PARVB: variants seen among roughly 807,000 people sequenced by gnomAD.
PARVB encodes the protein beta-parvin.
PARVB carries 46 observed loss-of-function variants against 47.0 expected under a neutral mutation model. That is an observed-to-expected ratio of 0.98 (90% CI 0.77 to 1.25). The LOEUF (loss-of-function observed/expected upper bound fraction) is 1.25. PARVB is among the 50% of genes most tolerant of loss of function. The pLI is 0.00. For missense variants in PARVB, 473 were observed against 471.6 expected (o/e 1.00, Z -0.03); for synonymous variants, 196 against 196.3 (o/e 1.00, Z 0.01).
chr22:44,121,219 T>C (rs1264380531), intron 4 of PARVB, among the ~76,000 whole-genome samples: 1 of 152,144 alleles, frequency 6.6e-6, no homozygotes, highest in Non-Finnish European at 1.5e-5. Context: ...TGCCCAGGCC[T>C]GTTTTGTACT....
At chr22:44,127,115 T>A (rs767122990) in intron 4 of PARVB, among the ~76,000 whole-genome samples, 2 of 152,242 alleles carry the variant, frequency 1.3e-5, no homozygotes, top group Non-Finnish European at 2.9e-5. Context: ...AAGTATAACA[T>A]GAGGCTTCCT....
intron 7 of PARVB, 101 bp from the exon 8 acceptor site, chr22:44,140,023 A>ATCTTTCT: frequency 1.4e-5 from 2 of 142,002 alleles, no homozygotes; most frequent in Non-Finnish European, 2.2e-5. Context: ...GCGAGGGCCC[A>ATCTTTCT]GCTTTCTGGC....
At chr22:44,163,283 A>G (rs1047330922) in intron 11 of PARVB, among the ~76,000 whole-genome samples, 2 of 152,184 alleles carry the variant, frequency 1.3e-5, no homozygotes, top group African/African-American at 4.8e-5. Context: ...TAGCCTGACC[A>G]ACATGGCAAA....
At chr22:44,070,924 A>T (rs901000454) in intron 1 of PARVB, among the ~76,000 whole-genome samples, 1 of 152,302 alleles carries the variant, frequency 6.6e-6, no homozygotes, top group Admixed American at 6.5e-5. Flanking sequence ...TGCCAGGCTT[A>T]TTCGAAGTCA....
chr22:44,166,704 T>G (rs2054175753), intron 12 of PARVB, among the ~76,000 whole-genome samples: 1 of 152,182 alleles, frequency 6.6e-6, no homozygotes, highest in East Asian at 1.9e-4. Context: ...CAGTGCTCAT[T>G]AGCACCTTCG....
At chr22:44,061,113 C>CCA (rs1188806191) in intron 1 of PARVB, among the ~76,000 whole-genome samples, 6 of 152,102 alleles carry the variant, frequency 3.9e-5, no homozygotes, top group Non-Finnish European at 8.8e-5. Flanking sequence ...GTACCCCTCG[C>CCA]CACGCGTGGG....
intron 1 of PARVB, among the ~76,000 whole-genome samples, chr22:44,083,412 C>T (rs185421691): frequency 1.8e-4 from 27 of 152,240 alleles, no homozygotes; most frequent in Admixed American, 3.3e-4. Context: ...GCACTCCTTG[C>T]GGGGTCGGGG....
intron 3 of PARVB, chr22:44,114,347 A>C (rs1464185540): frequency 2.1e-5 from 3 of 141,834 alleles, no homozygotes; most frequent in Non-Finnish European, 4.5e-5. Flanking sequence ...CCTTGCACCA[A>C]CATGGACACA....
In PARVB at chr22:44,024,376, C is replaced by G; in HGVS notation, c.37C>G (p.Arg13Gly). Residue 13 changes from arginine (R) to glycine (G), a missense_variant, in exon 1 of 13, where the codon CGC becomes GGC. Coordinates refer to ENST00000338758, the MANE Select transcript of PARVB (RefSeq NM_013327.5). ...GCCGCGCTCGCCCACCCCGCGGCCC[C>G]GCAGGATGAAGAAGGACGAGTCGTT... Reference protein sequence around the residue: ...SAPRSPTPRPRRMKKDESFLG... With the variant: ...SAPRSPTPRPGRMKKDESFLG... 8.2e-7 allele frequency: 1 copy of G among 1,222,250 alleles called. No homozygotes were observed. Among genetic ancestry groups the G allele is most frequent in the Non-Finnish European group, 1.0e-6 (1 of 967,644 alleles). 75.7% of individuals were successfully genotyped at this position (1,222,250 alleles called of 1,614,324 possible).
chr22:44,048,675 C>A (rs1345465039), intron 1 of PARVB, among the ~76,000 whole-genome samples: 1 of 152,232 alleles, frequency 6.6e-6, no homozygotes, highest in East Asian at 1.9e-4. Context: ...GATTCTCCTG[C>A]CTCAGCCTCC....
At chr22:44,048,343 G>T (rs1375192587) in intron 1 of PARVB, among the ~76,000 whole-genome samples, 1 of 152,024 alleles carries the variant, frequency 6.6e-6, no homozygotes, top group African/African-American at 2.4e-5. Context: ...CATATCTTTT[G>T]GGGGCACATG....
chr22:44,071,665 T>A (rs2146981060), intron 1 of PARVB, among the ~76,000 whole-genome samples: 1 of 152,298 alleles, frequency 6.6e-6, no homozygotes, highest in Non-Finnish European at 1.5e-5. Flanking sequence ...CCTTCCAAAC[T>A]TCGTGTCCTC....
chr22:44,124,595 G>A (rs115426285), intron 4 of PARVB, among the ~76,000 whole-genome samples: 1,901 of 146,758 alleles, frequency 0.013, 43 homozygotes, highest in African/African-American at 0.048. Context: ...CCCATCCTGT[G>A]GGAGGGTCTC....
intron 1 of PARVB, among the ~76,000 whole-genome samples, chr22:44,035,614 G>A (rs927362593): frequency 1.8e-4 from 27 of 151,708 alleles, no homozygotes; most frequent in African/African-American, 6.3e-4. Context: ...CTTGTGATCC[G>A]CCTGCCTCAG....
At chr22:44,065,107 C>A (rs2051493486) in intron 1 of PARVB, among the ~76,000 whole-genome samples, 1 of 152,034 alleles carries the variant, frequency 6.6e-6, no homozygotes, top group South Asian at 2.1e-4. Context: ...CCCACTGAGA[C>A]CCTGGAAACT....
rs529461489 is a variant in PARVB at position 44,133,880 on chromosome 22, G to A, written c.633+871G>A. ...AGTGGACAGTCGCTGCCTAGGGTTCGTGTGTGCAGTTTCCCTCAGTAAATG... is the reference window on the plus strand; with the variant it reads ...AGTGGACAGTCGCTGCCTAGGGTTCATGTGTGCAGTTTCCCTCAGTAAATG... On this transcript the variant is annotated intron_variant, in intron 6 of 12. Transcript: ENST00000338758. Among the ~76,000 whole-genome samples the A allele has an allele frequency of 7.2e-5, 11 of 152,334 alleles. No homozygotes were observed. In the South Asian group the frequency reaches 1.9e-3, roughly 26 times the overall value.
chr22:44,028,366 C>T (rs2050768890), intron 1 of PARVB, among the ~76,000 whole-genome samples: 1 of 151,808 alleles, frequency 6.6e-6, no homozygotes, highest in Non-Finnish European at 1.5e-5. Flanking sequence ...GTGTTTTTGC[C>T]TTTTCCAGAC....
intron 1 of PARVB, among the ~76,000 whole-genome samples, chr22:44,024,978 T>A (rs570585678): frequency 5.9e-4 from 89 of 151,964 alleles, no homozygotes; most frequent in South Asian, 1.5e-3. Context: ...TTTTTTTTTT[T>A]AAATTTTTTA....
chr22:44,054,360 G>A (rs545781735), intron 1 of PARVB, among the ~76,000 whole-genome samples: 139 of 152,230 alleles, frequency 9.1e-4, no homozygotes, highest in East Asian at 1.5e-3. Flanking sequence ...CACTACAGCC[G>A]CGCACTACAA....
Sources: gnomAD v4.1 joint callset for allele counts (sites outside exome capture counted in the v4.1 genomes callset) on GRCh38, gnomAD v4.1.1 for gene constraint, MANE v1.5 for transcripts, NCBI Gene and HGNC (gene_info 2026-07-23, HGNC 2026-07-21) for gene names.